The following ANTXR1 variants were observed in gnomAD, a reference collection of about 807,000 sequenced individuals.
ANTXR1 encodes anthrax toxin receptor 1.
Under a neutral mutation model 78.1 loss-of-function variants are expected in ANTXR1, and 19 were observed. The observed-to-expected ratio is 0.24, with a 90% confidence interval of 0.17 to 0.36. ANTXR1 has a LOEUF of 0.36. ANTXR1 is among the 10% of genes least tolerant of loss of function. The pLI is 1.00. For missense variants in ANTXR1, 518 were observed against 718.6 expected (o/e 0.72, Z 3.19); for synonymous variants, 273 against 260.5 (o/e 1.05, Z -0.46).
intron 17 of ANTXR1, among the ~76,000 whole-genome samples, chr2:69,230,175 CT>C (rs1274888824): frequency 9.9e-5 from 15 of 151,996 alleles, no homozygotes; most frequent in African/African-American, 3.6e-4. Context: ...CCTATTTTGT[CT>C]TTATTTTTTG....
chr2:69,038,610 T>C (rs113803097), intron 1 of ANTXR1, among the ~76,000 whole-genome samples: 31 of 152,210 alleles, frequency 2.0e-4, no homozygotes, highest in African/African-American at 7.5e-4. Flanking sequence ...GAAATAAGAA[T>C]GTGTATGTGA....
intron 16 of ANTXR1, among the ~76,000 whole-genome samples, chr2:69,188,344 C>A (rs529329930): frequency 6.6e-5 from 10 of 152,328 alleles, no homozygotes; most frequent in African/African-American, 1.9e-4. Flanking sequence ...ATCCTCCCAC[C>A]TCAGCCTCTC....
At chr2:69,031,524 C>A (rs578081796) in intron 1 of ANTXR1, among the ~76,000 whole-genome samples, 2 of 152,306 alleles carry the variant, frequency 1.3e-5, no homozygotes, top group South Asian at 2.1e-4. Context: ...GATGTGGGGA[C>A]AGTCTATAGG....
chr2:69,017,106 G>A (rs1012603109), intron 1 of ANTXR1, among the ~76,000 whole-genome samples: 1 of 152,136 alleles, frequency 6.6e-6, no homozygotes, highest in Non-Finnish European at 1.5e-5. Flanking sequence ...AACTTGGTGC[G>A]GTAGTGCACA....
chr2:69,229,734 G>GTT lies in ANTXR1; in HGVS notation c.1435-15476_1435-15475dup, dbSNP rs562601103. On this transcript the variant is annotated intron_variant, in intron 17 of 17. Transcript: ENST00000303714. ...CACTCAGCATGACCATGCCATGGTG[G>GTT]TTTTTTTTTTTTTTTTAATCTTAGA... Among the ~76,000 whole-genome samples the GTT allele has an allele frequency of 5.9e-4, 82 of 139,328 alleles. No homozygotes were observed. The Middle Eastern group carries it at 0.011, about 18-fold the overall frequency. The allele number at this position is 139,328 out of a possible 152,430, so 91.4% of individuals were successfully genotyped here.
chr2:69,023,178 T>C (rs1251394777), intron 1 of ANTXR1, among the ~76,000 whole-genome samples: 1 of 152,216 alleles, frequency 6.6e-6, no homozygotes, highest in East Asian at 1.9e-4. Context: ...AAATAGGCAT[T>C]AAAATGTCTG....
In ANTXR1 at chr2:69,102,887, G is replaced by T. The variant is rs373792226; in HGVS notation, c.749G>T (p.Arg250Leu). ...AGAGGAAACGGCTTCCGACATGCCC[G>T]CAACGTGGACAGGGTCCTCTGCAGC... ...VVRGNGFRHA[R>L]NVDRVLCSFK... The change falls in exon 10 of 18, where the codon CGC (arginine) becomes CTC (leucine). Residue 250 changes from arginine (R) to leucine (L), a missense_variant. Physicochemically the swap from Arg to Leu is moderately radical, Grantham distance 102 (BLOSUM62 -2). Coordinates refer to ENST00000303714, the MANE Select transcript of ANTXR1 (RefSeq NM_032208.3). 1 of 1,614,108 alleles carries T rather than the reference G, an allele frequency of 6.2e-7. No individual in the cohort carries two copies. Among genetic ancestry groups the T allele is most frequent in the Admixed American group, 1.7e-5 (1 of 60,008 alleles).
At chr2:69,241,666 T>C (rs1177979215) in intron 17 of ANTXR1, among the ~76,000 whole-genome samples, 1 of 152,138 alleles carries the variant, frequency 6.6e-6, no homozygotes, top group Non-Finnish European at 1.5e-5. Flanking sequence ...CCAGTTGTAT[T>C]ATAGAAGCCA....
Position 69,124,522 on chromosome 2 carries a change from T to C in ANTXR1, c.873-43T>C, listed in dbSNP as rs202202590. 4.6e-4 allele frequency: 731 copies of C among 1,583,960 alleles called. 1 individual carries two copies. The highest frequency in any genetic ancestry group is 1.0e-3 in the South Asian group (95 of 90,506). On this transcript the variant is annotated intron_variant, in intron 11 of 17. Transcript: ENST00000303714. ...GTCTGGCTCTCAGCCTGTTGCTCAT[T>C]GCACGCCCTGCTGAGAGTCTGCTTC...
chr2:69,178,130 C>G (rs1023997140), intron 14 of ANTXR1, among the ~76,000 whole-genome samples: 1 of 152,208 alleles, frequency 6.6e-6, no homozygotes, highest in African/African-American at 2.4e-5. Context: ...TAAAAATCCA[C>G]CCTCCAGTGC....
chr2:69,059,846 G>A (rs189985581), intron 3 of ANTXR1, among the ~76,000 whole-genome samples: 1 of 152,162 alleles, frequency 6.6e-6, no homozygotes, highest in Non-Finnish European at 1.5e-5. Context: ...AGATAACCAG[G>A]AGTTAAATTG....
chr2:69,063,133 C>T (rs912041448), intron 3 of ANTXR1, among the ~76,000 whole-genome samples: 24 of 152,046 alleles, frequency 1.6e-4, no homozygotes, highest in Admixed American at 4.6e-4. Context: ...TACTTGATAA[C>T]ATGTATTTGT....
chr2:69,211,125 G>C (rs547319418), intron 17 of ANTXR1, among the ~76,000 whole-genome samples: 2 of 152,222 alleles, frequency 1.3e-5, no homozygotes, highest in South Asian at 4.2e-4. Flanking sequence ...TCGGGCTCTG[G>C]TTAAACAAGG....
At chr2:69,156,738 C>A (rs1331601109) in intron 13 of ANTXR1, among the ~76,000 whole-genome samples, 1 of 152,172 alleles carries the variant, frequency 6.6e-6, no homozygotes, top group Admixed American at 6.5e-5. Context: ...AACTCACTAT[C>A]ACAAGAACAG....
chr2:69,013,487 C>A lies in ANTXR1; in HGVS notation c.-13C>A, dbSNP rs372201350. On this transcript the variant is annotated 5_prime_UTR_variant, in exon 1 of 18. Coordinates refer to ENST00000303714, the MANE Select transcript of ANTXR1 (RefSeq NM_032208.3). This position sits in a 1 kb window ranked among gnomAD's most constrained non-coding sequence, Gnocchi z 5.0. ...GGGAAGGAGCGGACCCTGCTCTCCC[C>A]GGGCTGCGGGCCATGGCCACGGCGG... is the stretch of plus-strand genomic sequence containing the variant. The A allele has an allele frequency of 2.7e-5, 43 of 1,586,732 alleles. No homozygotes were observed. In the African/African-American group the frequency reaches 4.3e-4, roughly 16 times the overall value.
intron 17 of ANTXR1, among the ~76,000 whole-genome samples, chr2:69,194,689 C>G: frequency 6.6e-6 from 1 of 151,804 alleles, no homozygotes; most frequent in East Asian, 1.9e-4. Context: ...CCCATCTCTA[C>G]TAAAAATACA....
At chr2:69,077,562 T>C (rs927170241) in intron 8 of ANTXR1, 74 bp downstream of exon 8, 37 of 1,473,766 alleles carry the variant, frequency 2.5e-5, no homozygotes, top group Middle Eastern at 1.7e-4. Context: ...ATACCCCAAT[T>C]CCATCTCTCA....
chr2:69,102,596 G>A (rs921653351), intron 9 of ANTXR1, among the ~76,000 whole-genome samples: 6 of 152,234 alleles, frequency 3.9e-5, no homozygotes, highest in African/African-American at 1.2e-4. Flanking sequence ...AGGAGGACCA[G>A]TAAGCCCAAA....
chr2:69,144,210 G>A (rs1366629742), intron 12 of ANTXR1, among the ~76,000 whole-genome samples: 1 of 152,164 alleles, frequency 6.6e-6, no homozygotes, highest in African/African-American at 2.4e-5. Context: ...GCTCACAGAG[G>A]GACAGCGGCA....
Sources: gnomAD v4.1 joint callset for allele counts (sites outside exome capture counted in the v4.1 genomes callset) on GRCh38, gnomAD v4.1.1 for gene constraint, Gnocchi (gnomAD v3.1) non-coding constraint, MANE v1.5 for transcripts, NCBI Gene and HGNC (gene_info 2026-07-23, HGNC 2026-07-21) for gene names.